Variants in HEATR5B observed in about 807,000 individuals in gnomAD.
HEATR5B encodes HEAT repeat containing 5B, also known as HEAT repeat-containing protein 5B.
A neutral mutation model predicts 224.1 loss-of-function variants in HEATR5B; 156 were observed. The ratio of observed to expected loss-of-function variants is 0.70; its 90% confidence interval spans 0.61 to 0.80. The LOEUF (loss-of-function observed/expected upper bound fraction) is 0.80. HEATR5B is among the 30% of genes least tolerant of loss of function. The probability of loss-of-function intolerance (pLI) is 0.00; values close to 1 mark genes in which losing one functional copy is unlikely to be tolerated. For missense variants in HEATR5B, 2,323 were observed against 2,535.5 expected (o/e 0.92, Z 1.80); for synonymous variants, 1,027 against 893.0 (o/e 1.15, Z -2.68).
chr2:37,032,165 G>T (rs774394058), intron 22 of HEATR5B, among the ~76,000 whole-genome samples: 1 of 151,996 alleles, frequency 6.6e-6, no homozygotes, highest in African/African-American at 2.4e-5. Flanking sequence ...TCAAGAAATG[G>T]CAGAAATATT....
At chr2:37,010,607 G>C (rs1332565451) in intron 27 of HEATR5B, among the ~76,000 whole-genome samples, 3 of 151,454 alleles carry the variant, frequency 2.0e-5, no homozygotes, top group Non-Finnish European at 4.4e-5. Flanking sequence ...TCCACCTCCC[G>C]GGTTCAAGTG....
intron 16 of HEATR5B, among the ~76,000 whole-genome samples, chr2:37,054,291 T>C (rs1670753781): frequency 6.7e-6 from 1 of 148,674 alleles, no homozygotes; most frequent in African/African-American, 2.5e-5. Flanking sequence ...ACCTCCCAGG[T>C]TCAAGTGATT....
At chr2:36,999,506 C>G (rs1252201726) in intron 33 of HEATR5B, among the ~76,000 whole-genome samples, 1 of 151,690 alleles carries the variant, frequency 6.6e-6, no homozygotes, top group Non-Finnish European at 1.5e-5. Flanking sequence ...GGTGAAACCC[C>G]GTCTCTACCA....
chr2:37,053,672 G>T, intron 16 of HEATR5B, 65 bp from the exon 17 acceptor site: 1 of 875,826 alleles, frequency 1.1e-6, no homozygotes, highest in Non-Finnish European at 1.8e-6. Flanking sequence ...CTCAAAAACG[G>T]ATAAGAAGAG....
chr2:37,016,700 G>C (rs1451919872), intron 26 of HEATR5B, among the ~76,000 whole-genome samples: 2 of 152,142 alleles, frequency 1.3e-5, no homozygotes, highest in Non-Finnish European at 2.9e-5. Flanking sequence ...AAAAGCTTTT[G>C]ATTTTCACAG....
intron 28 of HEATR5B, 142 bp from the exon 29 acceptor site, chr2:37,007,446 C>G: frequency 1.1e-6 from 1 of 881,100 alleles, no homozygotes. Context: ...TGGGTTCAAG[C>G]AATTCTCCTG....
chr2:37,079,383 C>T, intron 2 of HEATR5B, 52 bp from the exon 3 acceptor site: 2 of 955,438 alleles, frequency 2.1e-6, no homozygotes, highest in Middle Eastern at 3.3e-4. Flanking sequence ...TTTTTTGTTA[C>T]CTTTTAATCA....
chr2:37,052,903 T>C (rs931185463), intron 17 of HEATR5B, among the ~76,000 whole-genome samples: 4 of 152,252 alleles, frequency 2.6e-5, no homozygotes, highest in Admixed American at 2.0e-4. Context: ...TGAAAACTTA[T>C]AAATTATTTC....
At chr2:37,066,874 A>C (rs1671620158) in intron 8 of HEATR5B, among the ~76,000 whole-genome samples, 1 of 151,746 alleles carries the variant, frequency 6.6e-6, no homozygotes. Flanking sequence ...GACTATAATT[A>C]AATTTTTTTT....
At chr2:37,027,578 T>A (rs1284151597) in intron 24 of HEATR5B, among the ~76,000 whole-genome samples, 1 of 152,196 alleles carries the variant, frequency 6.6e-6, no homozygotes, top group Non-Finnish European at 1.5e-5. Flanking sequence ...TTATATGCCT[T>A]AAAATTTTAC....
intron 22 of HEATR5B, among the ~76,000 whole-genome samples, chr2:37,031,208 T>C (rs1669107971): frequency 1.3e-5 from 2 of 152,124 alleles, no homozygotes; most frequent in Non-Finnish European, 2.9e-5. Context: ...TTTATTCCTT[T>C]TGTCATAATA....
intron 35 of HEATR5B, among the ~76,000 whole-genome samples, chr2:36,984,582 G>C (rs1665823060): frequency 6.6e-6 from 1 of 151,796 alleles, no homozygotes; most frequent in Non-Finnish European, 1.5e-5. Flanking sequence ...TAATAGATTT[G>C]TATAAGAAAA....
At position 36,981,592 on chromosome 2, in the gene HEATR5B, G is replaced by C; in HGVS notation, c.6114C>G (p.Ala2038=). Residue 2038 remains alanine (A), a synonymous_variant, in exon 36 of 36, where the codon GCC becomes GCG. Coordinates refer to ENST00000233099, the MANE Select transcript of HEATR5B (RefSeq NM_019024.3). ...CTTTGCTCGCTTGGCTTGCTCGAAC[G>C]GCAGTTTCTAGACGCACTTTCAACT... The part of the protein sequence containing the change: ...APELKVRLET[A]VRASQASKAK... 6.2e-7 allele frequency: 1 copy of C among 1,614,194 alleles called. No individual in the cohort carries two copies. The highest frequency in any genetic ancestry group is 8.5e-7 in the Non-Finnish European group (1 of 1,180,044).
intron 5 of HEATR5B, among the ~76,000 whole-genome samples, chr2:37,074,281 C>T (rs1329651544): frequency 6.7e-6 from 1 of 149,520 alleles, no homozygotes; most frequent in East Asian, 2.0e-4. Context: ...AGAGATCGCA[C>T]CACTGCACTC....
intron 6 of HEATR5B, among the ~76,000 whole-genome samples, chr2:37,070,793 G>A (rs1671858065): frequency 6.6e-6 from 1 of 152,180 alleles, no homozygotes; most frequent in Non-Finnish European, 1.5e-5. Flanking sequence ...AGATGTTACT[G>A]GGAATGCAAC....
chr2:37,005,841 T>C (rs1013329212), intron 29 of HEATR5B, 82 bp from the exon 30 acceptor site: 16 of 1,139,016 alleles, frequency 1.4e-5, no homozygotes, highest in Non-Finnish European at 1.8e-5. Context: ...TCTCTATTTA[T>C]GTTTTTACAG....
intron 8 of HEATR5B, among the ~76,000 whole-genome samples, chr2:37,066,749 CTTAACA>C (rs1572926940): frequency 6.6e-6 from 1 of 152,036 alleles, no homozygotes; most frequent in African/African-American, 2.4e-5. Flanking sequence ...AATTTATGAC[CTTAACA>C]TTAAGAACCT....
chr2:37,003,686 G>T lies in HEATR5B; in HGVS notation c.4906C>A (p.Leu1636Met). 5 of 1,584,438 alleles carry T rather than the reference G, an allele frequency of 3.2e-6. No homozygotes were observed. Among genetic ancestry groups the T allele is most frequent in the Non-Finnish European group, 4.3e-6 (5 of 1,165,162 alleles). ...ACACTCAGCAACTCAACACCTATCAGCTAATACAAATAAATACAAATACAG... is the reference window on the plus strand; with the variant it reads ...ACACTCAGCAACTCAACACCTATCATCTAATACAAATAAATACAAATACAG... ...YARVHIAEDQ[L>M]IGVELLSVLH... The change falls in exon 31 of 36, where the codon CTG becomes ATG. Residue 1636 changes from leucine to methionine, a missense_variant and splice_region_variant. Coordinates refer to ENST00000233099, the MANE Select transcript of HEATR5B (RefSeq NM_019024.3).
chr2:37,014,783 C>T (rs1439124070), intron 26 of HEATR5B, among the ~76,000 whole-genome samples: 1 of 151,146 alleles, frequency 6.6e-6, no homozygotes, highest in Admixed American at 6.6e-5. Context: ...TTGAGACCAT[C>T]CTGACCAACA....
Sources: gnomAD v4.1 joint callset for allele counts (sites outside exome capture counted in the v4.1 genomes callset) on GRCh38, gnomAD v4.1.1 for gene constraint, MANE v1.5 for transcripts, NCBI Gene and HGNC (gene_info 2026-07-23, HGNC 2026-07-21) for gene names.